C10orf143: variants seen among roughly 807,000 people sequenced by gnomAD.
C10orf143 encodes the protein uncharacterized protein C10orf143.
chr10:130,086,628 C>A lies in C10orf143; in HGVS notation c.70-6727G>T, dbSNP rs12573532. On this transcript the variant is annotated intron_variant, in intron 1 of 3. Coordinates refer to ENST00000637128, the MANE Select transcript of C10orf143 (RefSeq NM_001355042.2). ...CTGGTTTGCTGTCAACTTTCAATCA[C>A]CTGGATTAAAGGGGAAAAGTGGAAA... Among the ~76,000 whole-genome samples, 368 of 152,264 alleles carry A rather than the reference C, an allele frequency of 2.4e-3. 14 individuals carry two copies. The East Asian group carries it at 0.06, about 25-fold the overall frequency.
intron 3 of C10orf143, among the ~76,000 whole-genome samples, chr10:130,051,213 T>C (rs893939619): frequency 6.6e-6 from 1 of 151,120 alleles, no homozygotes; most frequent in South Asian, 2.1e-4. Context: ...CTTCCTTCAG[T>C]GGCTGTTGAG....
At chr10:130,101,346 C>T (rs1421488448) in intron 1 of C10orf143, 1 of 151,944 alleles carries the variant, frequency 6.6e-6, no homozygotes, top group Admixed American at 6.6e-5. Flanking sequence ...TATATGAGAG[C>T]ACGTGATGAG....
intron 1 of C10orf143, among the ~76,000 whole-genome samples, chr10:130,083,773 G>A (rs549988701): frequency 2.6e-5 from 4 of 152,152 alleles, no homozygotes; most frequent in Non-Finnish European, 5.9e-5. Flanking sequence ...CTTTCCTACA[G>A]AGAGTGGATA....
rs1218012834 is a variant in C10orf143 at position 130,108,479 on chromosome 10, T to C, written c.69+2225A>G. 9.3e-6 allele frequency: 7 copies of C among 749,222 alleles called. No homozygotes were observed. The South Asian group carries it at 9.8e-5, about 11-fold the overall frequency. 46.4% of individuals were successfully genotyped at this position (749,222 alleles called of 1,614,324 possible). A position where few individuals can be genotyped will look rare whatever the true frequency, so the allele number is the denominator to read the frequency against. On this transcript the variant is annotated intron_variant, in intron 1 of 3. Transcript: ENST00000637128. ...GCAATATTTTTGCTCTCTTCAAAAG[T>C]AATTCTGACTGATCTCATTTCAAGT...
At chr10:130,098,015 C>T (rs1861489316) in intron 1 of C10orf143, among the ~76,000 whole-genome samples, 1 of 96,378 alleles carries the variant, frequency 1.0e-5, no homozygotes, top group African/African-American at 2.9e-5. Context: ...TAATTACACA[C>T]TTAAAAAAAA....
chr10:130,094,049 C>T (rs1006442288), intron 1 of C10orf143, among the ~76,000 whole-genome samples: 2 of 151,014 alleles, frequency 1.3e-5, no homozygotes, highest in African/African-American at 4.9e-5. Context: ...TGGATATCAC[C>T]ACTGATCCCA....
At chr10:130,079,989 A>T (rs1861180684) in intron 1 of C10orf143, 88 bp from the exon 2 acceptor site, 1 of 398,036 alleles carries the variant, frequency 2.5e-6, no homozygotes. Context: ...TCAGCTGCAA[A>T]TACAGACCCC....
At chr10:130,048,578 A>G (rs1276831223) in intron 3 of C10orf143, among the ~76,000 whole-genome samples, 1 of 152,198 alleles carries the variant, frequency 6.6e-6, no homozygotes, top group Admixed American at 6.5e-5. Flanking sequence ...TGAGACGTGC[A>G]GGGACCTCGG....
downstream of C10orf143, among the ~76,000 whole-genome samples, chr10:130,062,932 G>T (rs903438673): frequency 6.6e-6 from 1 of 152,140 alleles, no homozygotes; most frequent in Non-Finnish European, 1.5e-5. Flanking sequence ...CACTGACACT[G>T]AGGAGTCACA....
intron 1 of C10orf143, among the ~76,000 whole-genome samples, chr10:130,099,595 G>C (rs1438551132): frequency 6.6e-6 from 1 of 151,800 alleles, no homozygotes; most frequent in East Asian, 1.9e-4. Flanking sequence ...AGAGTGCAGA[G>C]GCATGATCTC....
At chr10:130,095,912 G>A (rs997187105) in intron 1 of C10orf143, among the ~76,000 whole-genome samples, 16 of 152,126 alleles carry the variant, frequency 1.1e-4, no homozygotes, top group African/African-American at 3.9e-4. Context: ...AACACCAAAA[G>A]CAATGACAAC....
At chr10:130,080,946 C>T (rs947692185) in intron 1 of C10orf143, among the ~76,000 whole-genome samples, 2 of 151,996 alleles carry the variant, frequency 1.3e-5, no homozygotes, top group African/African-American at 2.4e-5. Flanking sequence ...TTAACTGATG[C>T]TGAAAAAACT....
chr10:130,081,346 G>A (rs1040445176), intron 1 of C10orf143, among the ~76,000 whole-genome samples: 3 of 152,038 alleles, frequency 2.0e-5, no homozygotes, highest in Non-Finnish European at 4.4e-5. Flanking sequence ...CAGGAGATGT[G>A]AGCAAACACG....
At chr10:130,060,260 A>T (rs1376866415), downstream of C10orf143, among the ~76,000 whole-genome samples, 1 of 152,212 alleles carries the variant, frequency 6.6e-6, no homozygotes, top group Non-Finnish European at 1.5e-5. Flanking sequence ...GAAAACCAGA[A>T]GGTGCCCTCT....
At chr10:130,079,067 G>A (rs910654824) in intron 3 of C10orf143, among the ~76,000 whole-genome samples, 2 of 146,964 alleles carry the variant, frequency 1.4e-5, no homozygotes, top group African/African-American at 4.8e-5. Context: ...CAGTAGAAGA[G>A]ACTGAGAATC....
intron 1 of C10orf143, among the ~76,000 whole-genome samples, chr10:130,081,293 T>A (rs1333007055): frequency 1.3e-5 from 2 of 152,014 alleles, no homozygotes; most frequent in Non-Finnish European, 2.9e-5. Flanking sequence ...TGAACACCTA[T>A]GAGCCGAATA....
chr10:130,073,295 G>T (rs936106114), intron 3 of C10orf143, among the ~76,000 whole-genome samples: 1 of 152,088 alleles, frequency 6.6e-6, no homozygotes, highest in African/African-American at 2.4e-5. Context: ...TTCTACTTTT[G>T]GTTCCTGTAT....
intron 1 of C10orf143, among the ~76,000 whole-genome samples, chr10:130,090,857 T>C (rs1177513821): frequency 6.6e-6 from 1 of 152,198 alleles, no homozygotes; most frequent in Non-Finnish European, 1.5e-5. Flanking sequence ...GTAGCCAGAC[T>C]GCCTCTCTAG....
rs756777528 is a variant in C10orf143 at position 130,107,992 on chromosome 10, G to A, written c.69+2712C>T. ...TTAATATGCCTCCTTTGGATAAAAT[G>A]GATGGGTCAATGCCTTCAGAAATGG... On this transcript the variant is annotated intron_variant, in intron 1 of 3. Coordinates refer to ENST00000637128, the MANE Select transcript of C10orf143 (RefSeq NM_001355042.2). 13 of 1,522,378 alleles carry A rather than the reference G, an allele frequency of 8.5e-6. No homozygotes were observed. In the Admixed American group the frequency reaches 1.7e-4, roughly 20 times the overall value. 94.3% of individuals were successfully genotyped at this position (1,522,378 alleles called of 1,614,324 possible).
Sources: gnomAD v4.1 joint callset for allele counts (sites outside exome capture counted in the v4.1 genomes callset) on GRCh38, gnomAD v4.1.1 for gene constraint, MANE v1.5 for transcripts, NCBI Gene and HGNC (gene_info 2026-07-23, HGNC 2026-07-21) for gene names.